The following IPO8 variants were observed in gnomAD, a reference collection of about 807,000 sequenced individuals.
The protein encoded by IPO8 is importin 8, also known as importin-8.
A neutral mutation model predicts 141.2 loss-of-function variants in IPO8; 65 were observed. The ratio of observed to expected loss-of-function variants is 0.46; its 90% confidence interval spans 0.38 to 0.57. IPO8 has a LOEUF of 0.57. Ranked by LOEUF, IPO8 falls within the 20% of genes least tolerant of loss-of-function variation. The pLI, the probability that IPO8 is intolerant of heterozygous loss-of-function variation, is 0.00. For missense variants in IPO8, 980 were observed against 1,246.8 expected (o/e 0.79, Z 3.22); for synonymous variants, 411 against 420.3 (o/e 0.98, Z 0.27).
At position 30,661,177 on chromosome 12, in the gene IPO8, A is replaced by G. The variant is rs2052881463; in HGVS notation, c.1845T>C (p.Ile615=). ...CTTCTACAACTGTTAAGATAGTATC[A>G]ATGGTATGTAAAATTCCCATAGCCA... ...TVMAMGILHT[I]DTILTVVEDH... The change falls in exon 16 of 25, where the codon ATT becomes ATC. Residue 615 remains isoleucine (I), a synonymous_variant. Transcript: ENST00000256079. 6.3e-7 allele frequency: 1 copy of G among 1,592,438 alleles called. No homozygotes were observed.
intron 13 of IPO8, 31 bp downstream of exon 13, chr12:30,665,189 A>C (rs1330957780): frequency 8.7e-7 from 1 of 1,154,768 alleles, no homozygotes; most frequent in Non-Finnish European, 1.3e-6. Context: ...ATGAAGATTT[A>C]AGATACATAA....
Position 30,680,595 on chromosome 12 carries a change from G to C in IPO8, c.526C>G (p.Gln176Glu), listed in dbSNP as rs750618455. ...EEREPLIIAM[Q>E]IFLPRIQQQI... ...TGCTGAATACGAGGCAGGAATATCT[G>C]CATTGCTATTATAAGAGGTTCTCTC... is the stretch of plus-strand genomic sequence containing the variant. Residue 176 changes from glutamine (Q) to glutamate (E), a missense_variant, in exon 5 of 25, where the codon CAG (glutamine) becomes GAG (glutamate). Physicochemically the swap from Gln to Glu is conservative, Grantham distance 29. Transcript: ENST00000256079. The C allele has an allele frequency of 6.2e-7, 1 of 1,612,190 alleles. No homozygotes were observed. Among genetic ancestry groups the C allele is most frequent in the South Asian group, 1.1e-5 (1 of 90,870 alleles).
In IPO8 at chr12:30,630,718, A is replaced by G; in HGVS notation, c.*142T>C. ...AAAGGTCAAAGGGGAAAGAGTAGAT[A>G]AAAGTGCTGCCTAATGCCAGATGGT... On this transcript the variant is annotated 3_prime_UTR_variant, in exon 25 of 25. Coordinates refer to ENST00000256079, the MANE Select transcript of IPO8 (RefSeq NM_006390.4). 1 of 636,564 alleles carries G rather than the reference A, an allele frequency of 1.6e-6. No individual in the cohort carries two copies. The highest frequency in any genetic ancestry group is 1.9e-5 in the South Asian group (1 of 52,140). The allele number at this position is 636,564 out of a possible 1,614,324, so 39.4% of individuals were successfully genotyped here.
At chr12:30,688,548 T>C (rs952498571) in intron 2 of IPO8, 1 of 254,226 alleles carries the variant, frequency 3.9e-6, no homozygotes, top group African/African-American at 2.3e-5. Flanking sequence ...AAATTATCTT[T>C]CTAGGTGTCT....
intron 16 of IPO8, among the ~76,000 whole-genome samples, chr12:30,660,534 A>T (rs1259115045): frequency 6.6e-6 from 1 of 152,172 alleles, no homozygotes; most frequent in Non-Finnish European, 1.5e-5. Context: ...AAAACAGACT[A>T]CCATTACCTG....
At chr12:30,681,941 T>C (rs2053193335) in intron 3 of IPO8, 124 bp from the exon 4 acceptor site, 2 of 715,770 alleles carry the variant, frequency 2.8e-6, no homozygotes, top group Non-Finnish European at 4.2e-6. Flanking sequence ...CTTACATATG[T>C]GGGGTAGGGG....
At chr12:30,677,192 C>A (rs1392162773) in intron 5 of IPO8, 12 of 714,192 alleles carry the variant, frequency 1.7e-5, no homozygotes, top group African/African-American at 5.3e-5. Flanking sequence ...TATATAAAGT[C>A]ATGCACCACA....
Position 30,690,535 on chromosome 12 carries a change from T to C in IPO8, c.127A>G (p.Ile43Val). The C allele has an allele frequency of 6.3e-7, 1 of 1,596,604 alleles. No homozygotes were observed. The highest frequency in any genetic ancestry group is 1.1e-5 in the South Asian group (1 of 87,384). Reference protein sequence around the residue: ...INFAPSLLRIIVSDHVEFPVR... With the variant: ...INFAPSLLRIVVSDHVEFPVR... ...GGGAATTCCACATGGTCAGAGACTA[T>C]AATCCGAAGTAAACTGGGGGCAAAA... Residue 43 changes from isoleucine (I) to valine (V), a missense_variant, in exon 2 of 25, where the codon ATA becomes GTA. Coordinates refer to ENST00000256079, the MANE Select transcript of IPO8 (RefSeq NM_006390.4).
At chr12:30,685,402 G>A (rs2053230458) in intron 2 of IPO8, among the ~76,000 whole-genome samples, 1 of 151,582 alleles carries the variant, frequency 6.6e-6, no homozygotes, top group South Asian at 2.1e-4. Context: ...GCCTCCCAAA[G>A]TGCTAGGATT....
In IPO8 at chr12:30,665,237, C is replaced by T; in HGVS notation, c.1411G>A (p.Gly471Arg). The change falls in exon 13 of 25, where the codon GGA becomes AGA. Residue 471 changes from glycine (G) to arginine (R), a missense_variant. By Grantham distance (125) the Gly-to-Arg change is moderately radical. This residue lies in a region of IPO8 where 924 missense variants were observed against 1,153.9 expected (regional missense o/e 0.80). Transcript: ENST00000256079. ...HVFPLLLSNL[G>R]YLRARSCWVL... is the part of the protein sequence containing the mutation. Reference sequence around the variant, plus strand: ...AAACTTACTCTAGCTCGAAGATATCCCAGGTTAGACAATAATAATGGAAAT... The same window carrying T: ...AAACTTACTCTAGCTCGAAGATATCTCAGGTTAGACAATAATAATGGAAAT... 6.3e-7 allele frequency: 1 copy of T among 1,575,282 alleles called. No individual in the cohort carries two copies. The highest frequency in any genetic ancestry group is 8.7e-7 in the Non-Finnish European group (1 of 1,149,714).
intron 3 of IPO8, 130 bp downstream of exon 3, chr12:30,684,171 G>T: frequency 1.4e-6 from 1 of 700,500 alleles, no homozygotes; most frequent in Non-Finnish European, 2.3e-6. Flanking sequence ...TATTCTTTGA[G>T]TGTCCCTCTT....
chr12:30,657,033 C>A (rs2052810012), intron 16 of IPO8, among the ~76,000 whole-genome samples: 1 of 151,128 alleles, frequency 6.6e-6, no homozygotes. Context: ...AAGAAATAAA[C>A]CATAAAAAAA....
At chr12:30,693,062 A>G (rs2053306160) in intron 1 of IPO8, among the ~76,000 whole-genome samples, 1 of 152,238 alleles carries the variant, frequency 6.6e-6, no homozygotes, top group Non-Finnish European at 1.5e-5. Context: ...GTACACATGC[A>G]TGGAAAGCAG....
At chr12:30,678,967 A>G (rs1464727485) in intron 5 of IPO8, among the ~76,000 whole-genome samples, 2 of 152,086 alleles carry the variant, frequency 1.3e-5, no homozygotes, top group Non-Finnish European at 2.9e-5. Flanking sequence ...AGCCTCTGGA[A>G]TAGCTGGAAT....
At chr12:30,633,043 A>T (rs1303364840) in intron 23 of IPO8, among the ~76,000 whole-genome samples, 1 of 152,180 alleles carries the variant, frequency 6.6e-6, no homozygotes, top group Non-Finnish European at 1.5e-5. Flanking sequence ...CATGTCTGGA[A>T]CTACACTAGG....
At chr12:30,681,912 T>C (rs2053193079) in intron 3 of IPO8, 95 bp from the exon 4 acceptor site, 1 of 996,252 alleles carries the variant, frequency 1.0e-6, no homozygotes, top group African/African-American at 1.6e-5. Context: ...TGTTATCTTC[T>C]ATTTACGTGT....
intron 5 of IPO8, 151 bp from the exon 6 acceptor site, chr12:30,676,738 A>T (rs2053125615): frequency 2.6e-6 from 2 of 763,558 alleles, no homozygotes; most frequent in East Asian, 2.7e-5. Context: ...CTTAAAACAG[A>T]TTCATACGAC....
intron 8 of IPO8, among the ~76,000 whole-genome samples, chr12:30,673,533 G>A (rs2053079438): frequency 6.6e-6 from 1 of 152,158 alleles, no homozygotes; most frequent in Non-Finnish European, 1.5e-5. Context: ...AACTTCCATA[G>A]AAATGTTTAA....
At chr12:30,656,491 G>T (rs12311863) in intron 17 of IPO8, among the ~76,000 whole-genome samples, 193 bp downstream of exon 17, 5 of 151,998 alleles carry the variant, frequency 3.3e-5, no homozygotes, top group Admixed American at 6.6e-5. Context: ...TTATTCGTTG[G>T]ATGTATAATT....
Sources: allele counts gnomAD v4.1 joint callset (sites outside exome capture counted in the v4.1 genomes callset), GRCh38; gene constraint gnomAD v4.1.1; regional missense constraint gnomAD v4.1.1; transcripts MANE v1.5; gene names NCBI Gene and HGNC (gene_info 2026-07-23, HGNC 2026-07-21).